GRK4: variants seen among roughly 807,000 people sequenced by gnomAD.
The protein encoded by GRK4 is G protein-coupled receptor kinase 2-like.
GRK4 carries 73 observed loss-of-function variants against 77.9 expected under a neutral mutation model. That is an observed-to-expected ratio of 0.94 (90% confidence interval 0.78 to 1.14). The LOEUF is 1.14. Among genes scored for constraint, GRK4 ranks in the 50% most tolerant of loss-of-function variants. The pLI is 0.00. For missense variants in GRK4, 729 were observed against 700.2 expected, an observed-to-expected ratio of 1.04 and a Z score of -0.46; for synonymous variants, 257 against 254.4, an observed-to-expected ratio of 1.01 and a Z score of -0.10.
intron 1 of GRK4, among the ~76,000 whole-genome samples, chr4:2,983,154 CTG>C (rs2109548593): frequency 6.6e-6 from 1 of 152,320 alleles, no homozygotes; most frequent in East Asian, 1.9e-4. Context: ...GATATCAAGT[CTG>C]TATCTCTAGC....
At chr4:3,039,988 A>C (rs938122690) in intron 15 of GRK4, among the ~76,000 whole-genome samples, 4 of 152,178 alleles carry the variant, frequency 2.6e-5, no homozygotes, top group African/African-American at 9.7e-5. Flanking sequence ...TTCTCCCCAC[A>C]CTGCTTCTTA....
At chr4:2,971,415 C>T (rs1719500924) in intron 1 of GRK4, among the ~76,000 whole-genome samples, 1 of 152,148 alleles carries the variant, frequency 6.6e-6, no homozygotes, top group South Asian at 2.1e-4. Context: ...CCTTTATATG[C>T]TTCTCTGAGG....
At chr4:3,030,189 C>A (rs1738749590) in intron 12 of GRK4, among the ~76,000 whole-genome samples, 1 of 152,152 alleles carries the variant, frequency 6.6e-6, no homozygotes, top group Admixed American at 6.5e-5. Flanking sequence ...ACAGACCATT[C>A]CTTAACTGTG....
chr4:3,017,613 G>T (rs1024714468), intron 8 of GRK4, among the ~76,000 whole-genome samples: 4 of 152,164 alleles, frequency 2.6e-5, no homozygotes, highest in African/African-American at 9.7e-5. Context: ...TTGCATGCCG[G>T]CTGGGGCCTC....
chr4:3,025,770 C>T (rs1416787290), intron 10 of GRK4, among the ~76,000 whole-genome samples: 1 of 151,740 alleles, frequency 6.6e-6, no homozygotes, highest in Non-Finnish European at 1.5e-5. Flanking sequence ...TAGAGTGTAT[C>T]GTAAGATGTC....
chr4:3,033,386 A>G (rs1216927937), intron 12 of GRK4, among the ~76,000 whole-genome samples: 1 of 152,058 alleles, frequency 6.6e-6, no homozygotes, highest in Non-Finnish European at 1.5e-5. Context: ...AGAAGGTCCC[A>G]CCTCTCAATA....
intron 2 of GRK4, among the ~76,000 whole-genome samples, chr4:2,987,693 C>T (rs921260786): frequency 6.6e-6 from 1 of 152,118 alleles, no homozygotes; most frequent in African/African-American, 2.4e-5. Flanking sequence ...GTAATCCCAG[C>T]ACTTTGGGAG....
rs192596436 is a variant in GRK4, at chr4:2,964,211, C to A, written c.52+89C>A. The A allele has an allele frequency of 2.1e-5, 23 of 1,103,456 alleles. No individual in the cohort carries two copies. The East Asian group carries it at 5.9e-4, about 28-fold the overall frequency. 68.4% of individuals were successfully genotyped at this position (1,103,456 alleles called of 1,614,324 possible). A position where few individuals can be genotyped will look rare whatever the true frequency, so the allele number is the denominator to read the frequency against. On this transcript the variant is annotated intron_variant, in intron 1 of 15. Transcript: ENST00000398052. ...GCCCCCCTGAAGGAACCCGACATCC[C>A]CGGAGAACCCCGATTTCCCTGGAGA... is the stretch of plus-strand genomic sequence containing the variant.
chr4:2,972,627 T>A (rs1173981012), intron 1 of GRK4, among the ~76,000 whole-genome samples: 1 of 152,080 alleles, frequency 6.6e-6, no homozygotes, highest in Non-Finnish European at 1.5e-5. Flanking sequence ...GTGCAGTGTG[T>A]GCTTCATGCC....
chr4:2,984,537 G>A lies in GRK4; in HGVS notation c.77G>A (p.Arg26His), dbSNP rs754105109. The change falls in exon 2 of 16, where the codon CGT (arginine) becomes CAT (histidine). Residue 26 changes from arginine (R) to histidine (H), a missense_variant. Physicochemically the swap from Arg to His is conservative, Grantham distance 29. Transcript: ENST00000398052. ...RQGGYGKKSG[R>H]SKKWKEILTL... ...GGAGGATATGGCAAAAAAAGTGGTCGTAGTAAAAAATGGAAGGAGATACTG... is the reference window on the plus strand; with the variant it reads ...GGAGGATATGGCAAAAAAAGTGGTCATAGTAAAAAATGGAAGGAGATACTG... 2.0e-5 allele frequency: 33 copies of A among 1,612,644 alleles called. No individual in the cohort carries two copies. The highest frequency in any genetic ancestry group is 1.1e-4 in the African/African-American group (8 of 75,000).
intron 12 of GRK4, among the ~76,000 whole-genome samples, chr4:3,033,444 C>T (rs1739714430): frequency 1.3e-5 from 2 of 152,184 alleles, no homozygotes; most frequent in Non-Finnish European, 2.9e-5. Context: ...GTGGGGGATA[C>T]ACACATTCAG....
intron 4 of GRK4, among the ~76,000 whole-genome samples, chr4:2,994,826 T>C (rs963080629): frequency 1.3e-5 from 2 of 152,180 alleles, no homozygotes; most frequent in Non-Finnish European, 2.9e-5. Context: ...TGCAGGTTTG[T>C]TACGTAGGTA....
At chr4:3,019,548 A>T in intron 8 of GRK4, 93 bp from the exon 9 acceptor site, 1 of 1,061,578 alleles carries the variant, frequency 9.4e-7, no homozygotes, top group Non-Finnish European at 1.4e-6. Context: ...TTGTAAACCT[A>T]ACACAGATTA....
In GRK4 at chr4:3,032,638, C is replaced by T. The variant is rs994623180; in HGVS notation, c.1270-2748C>T. ...AGAAGCTCTAGCTTTGAAGTTAGGGCCAGGTGAGTCTCAGCTCCCATTACA... is the reference window on the plus strand; with the variant it reads ...AGAAGCTCTAGCTTTGAAGTTAGGGTCAGGTGAGTCTCAGCTCCCATTACA... On this transcript the variant is annotated intron_variant, in intron 12 of 15. Coordinates refer to ENST00000398052, the MANE Select transcript of GRK4 (RefSeq NM_182982.3). Among the ~76,000 whole-genome samples, 12 of 152,152 alleles carry T rather than the reference C, an allele frequency of 7.9e-5. No homozygotes were observed. In the East Asian group the frequency reaches 2.1e-3, roughly 27 times the overall value.
intron 4 of GRK4, among the ~76,000 whole-genome samples, chr4:2,994,842 G>A (rs546155476): frequency 2.6e-5 from 4 of 152,204 alleles, no homozygotes; most frequent in African/African-American, 9.6e-5. Context: ...AGGTAAACTT[G>A]CATCATGGGG....
At chr4:2,973,923 C>T (rs995559662) in intron 1 of GRK4, among the ~76,000 whole-genome samples, 1 of 152,224 alleles carries the variant, frequency 6.6e-6, no homozygotes, top group African/African-American at 2.4e-5. Context: ...CTCACTCTGC[C>T]TCCACACGGT....
chr4:2,993,285 T>A (rs1300936403), intron 4 of GRK4, among the ~76,000 whole-genome samples: 2 of 152,238 alleles, frequency 1.3e-5, no homozygotes, highest in Non-Finnish European at 2.9e-5. Flanking sequence ...CTTCCTTTCA[T>A]GTGACTTCTG....
intron 4 of GRK4, among the ~76,000 whole-genome samples, chr4:3,001,352 CACAT>C (rs1426565369): frequency 8.9e-5 from 10 of 112,168 alleles, no homozygotes; most frequent in African/African-American, 1.2e-4. Context: ...CACACACACA[CACAT>C]ATATATATAT....
intron 4 of GRK4, among the ~76,000 whole-genome samples, chr4:2,997,515 CA>C (rs1728284982): frequency 6.6e-6 from 1 of 152,116 alleles, no homozygotes; most frequent in Non-Finnish European, 1.5e-5. Context: ...GACCAACGTT[CA>C]AATGATAGCA....
Sources: allele counts gnomAD v4.1 joint callset (sites outside exome capture counted in the v4.1 genomes callset), GRCh38; gene constraint gnomAD v4.1.1; transcripts MANE v1.5; gene names NCBI Gene and HGNC (gene_info 2026-07-23, HGNC 2026-07-21).